The following TEX15 variants were observed in gnomAD, a reference collection of about 807,000 sequenced individuals.
The protein encoded by TEX15 is testis expressed 15, meiosis and synapsis associated.
In TEX15, 171 loss-of-function variants were observed where a neutral mutation model predicts 237.3. That is an observed-to-expected ratio of 0.72 (90% CI 0.64 to 0.82). TEX15 has a LOEUF of 0.82. Ranked by LOEUF, TEX15 falls within the 40% of genes least tolerant of loss-of-function variation. The pLI is 0.00. For missense variants in TEX15, 3,750 were observed against 3,646.5 expected, an observed-to-expected ratio of 1.03 and a Z score of -0.73; for synonymous variants, 1,338 against 1,269.8, an observed-to-expected ratio of 1.05 and a Z score of -1.14.
At chr8:30,897,076 C>T (rs573299924) in intron 2 of TEX15, among the ~76,000 whole-genome samples, 1 of 152,116 alleles carries the variant, frequency 6.6e-6, no homozygotes, top group Non-Finnish European at 1.5e-5. Flanking sequence ...ATTGTCTTTA[C>T]AAAATCGGGT....
At chr8:30,833,472 A>G (rs973691189) in intron 10 of TEX15, 149 bp from the exon 11 acceptor site, 9 of 533,836 alleles carry the variant, frequency 1.7e-5, no homozygotes, top group African/African-American at 5.9e-5. Flanking sequence ...ATCAGGTCCT[A>G]TGAAAGTTAA....
intron 4 of TEX15, among the ~76,000 whole-genome samples, chr8:30,874,572 G>A (rs549101057): frequency 6.6e-6 from 1 of 152,162 alleles, no homozygotes; most frequent in African/African-American, 2.4e-5. Flanking sequence ...TTAAGGGCTG[G>A]GTTCAAGAGT....
chr8:30,878,777 G>C (rs1414612560), intron 3 of TEX15, among the ~76,000 whole-genome samples: 1 of 152,102 alleles, frequency 6.6e-6, no homozygotes, highest in Non-Finnish European at 1.5e-5. Context: ...CTCCTGCTTT[G>C]GCTTCCTGAG....
In TEX15 at chr8:30,845,014, G is replaced by C. The variant is rs767613553; in HGVS notation, c.5153C>G (p.Pro1718Arg). ...TGTCACTGCAGCGGCTGATAACTGA[G>C]GAATACTGTACTTTTTACTTGCTAT... ...TLIASKKYSI[P>R]QLSAAAVTDS... The change falls in exon 8 of 11, where the codon CCT (proline) becomes CGT (arginine). Residue 1718 changes from proline to arginine, a missense_variant. Pro to Arg is a moderately radical substitution (Grantham distance 103). Coordinates refer to ENST00000643185, the MANE Select transcript of TEX15 (RefSeq NM_001350162.2). 6.2e-7 allele frequency: 1 copy of C among 1,613,426 alleles called. No individual in the cohort carries two copies. The highest frequency in any genetic ancestry group is 8.5e-7 in the Non-Finnish European group (1 of 1,179,542).
intron 2 of TEX15, among the ~76,000 whole-genome samples, chr8:30,895,907 C>T (rs997880283): frequency 6.6e-6 from 1 of 152,028 alleles, no homozygotes; most frequent in East Asian, 1.9e-4. Flanking sequence ...TCTCGATCTC[C>T]TGACCTCGTG....
At chr8:30,901,276 T>C (rs111955423) in intron 1 of TEX15, among the ~76,000 whole-genome samples, 6 of 152,346 alleles carry the variant, frequency 3.9e-5, no homozygotes, top group African/African-American at 1.4e-4. Flanking sequence ...AGTGTTTGCA[T>C]AGATATGGTT....
intron 2 of TEX15, among the ~76,000 whole-genome samples, chr8:30,889,963 A>ATATATATATACATATATATATATG (rs1808763730): frequency 7.5e-6 from 1 of 134,014 alleles, no homozygotes; most frequent in Non-Finnish European, 1.7e-5. Flanking sequence ...ACATATATAT[A>ATATATATATACATATATATATATG]TATATGTATA....
intron 5 of TEX15, among the ~76,000 whole-genome samples, chr8:30,865,087 A>AAAATAAG (rs1237581298): frequency 1.3e-5 from 2 of 152,084 alleles, no homozygotes; most frequent in African/African-American, 2.4e-5. Context: ...TTAGACTAAG[A>AAAATAAG]AAATAAGACA....
chr8:30,897,075 A>C (rs926282869), intron 2 of TEX15, among the ~76,000 whole-genome samples: 3 of 152,310 alleles, frequency 2.0e-5, no homozygotes, highest in South Asian at 2.1e-4. Flanking sequence ...AATTGTCTTT[A>C]CAAAATCGGG....
intron 1 of TEX15, among the ~76,000 whole-genome samples, chr8:30,903,359 C>A (rs1809041169): frequency 6.6e-6 from 1 of 152,120 alleles, no homozygotes; most frequent in South Asian, 2.1e-4. Flanking sequence ...GGGGAAAAAT[C>A]AAAGTTAAGG....
chr8:30,846,930 A>G lies in TEX15; in HGVS notation c.3237T>C (p.His1079=), dbSNP rs751166229. Residue 1079 remains histidine, a synonymous_variant, in exon 8 of 11, where the codon CAT becomes CAC. Coordinates refer to ENST00000643185, the MANE Select transcript of TEX15 (RefSeq NM_001350162.2). ...DDAFIFQQDT[H]SHENMLCEEF... ...CTTCACAAAGCATGTTTTCATGGCT[A>G]TGTGTATCTTGTTGAAATATAAAAG... 4 of 1,613,464 alleles carry G rather than the reference A, an allele frequency of 2.5e-6. No homozygotes were observed. The highest frequency in any genetic ancestry group is 1.1e-5 in the South Asian group (1 of 91,046).
intron 7 of TEX15, among the ~76,000 whole-genome samples, chr8:30,856,892 C>T (rs1807923551): frequency 6.6e-6 from 1 of 151,758 alleles, no homozygotes. Flanking sequence ...AATCAAAATT[C>T]TGATAGATTT....
intron 5 of TEX15, among the ~76,000 whole-genome samples, 196 bp downstream of exon 5, chr8:30,867,069 G>T (rs866946464): frequency 0.016 from 2,129 of 130,584 alleles, 41 homozygotes; most frequent in African/African-American, 0.054. Context: ...TTTTTTTTTT[G>T]CTTTGTGTTG....
In TEX15 at chr8:30,833,185, C is replaced by A; in HGVS notation, c.*101G>T. 1.4e-6 allele frequency: 1 copy of A among 739,884 alleles called. No individual in the cohort carries two copies. The highest frequency in any genetic ancestry group is 2.2e-6 in the Non-Finnish European group (1 of 447,980). The allele number at this position is 739,884 out of a possible 1,614,324, so 45.8% of individuals were successfully genotyped here. A position where few individuals can be genotyped will look rare whatever the true frequency, so the allele number is the denominator to read the frequency against. ...ACCATATGATTTATATTTCCTACCA[C>A]ATTTACAAACATTAAAAATCGCTAA... On this transcript the variant is annotated 3_prime_UTR_variant, in exon 11 of 11. Coordinates refer to ENST00000643185, the MANE Select transcript of TEX15 (RefSeq NM_001350162.2).
rs1467254314 is a variant in TEX15, at chr8:30,847,317, T to C, written c.2850A>G (p.Lys950=). The C allele has an allele frequency of 1.2e-6, 2 of 1,613,990 alleles. No homozygotes were observed. Among genetic ancestry groups the C allele is most frequent in the Admixed American group, 3.3e-5 (2 of 60,022 alleles). The change falls in exon 8 of 11, where the codon AAA becomes AAG. Residue 950 remains lysine, a synonymous_variant. Coordinates refer to ENST00000643185, the MANE Select transcript of TEX15 (RefSeq NM_001350162.2). ...TTCCAGTATTTTCAGTATCTTTTTG[T>C]TTCACGGCACTAATGGTATCTTCTT... ...ESEEDTISAV[K]QKDTENTGRS...
chr8:30,846,961 T>C lies in TEX15; in HGVS notation c.3206A>G (p.Asp1069Gly), dbSNP rs1563241215. The C allele has an allele frequency of 6.2e-7, 1 of 1,613,804 alleles. No individual in the cohort carries two copies. The highest frequency in any genetic ancestry group is 8.5e-7 in the Non-Finnish European group (1 of 1,179,738). ...ATCTTGTTGAAATATAAAAGCATCA[T>C]CACAATCTTCTAATTCTATTTCAAT... The part of the protein sequence containing the change: ...SEIEIELEDC[D>G]DAFIFQQDTH... Residue 1069 changes from aspartate to glycine, a missense_variant, in exon 8 of 11, where the codon GAT becomes GGT. Transcript: ENST00000643185.
rs35046956 is a variant in TEX15, at chr8:30,909,394, A to ACCCCCCCC, written c.-86+3477_-86+3484dup. Among the ~76,000 whole-genome samples the ACCCCCCCC allele has an allele frequency of 5.5e-3, 646 of 118,390 alleles. 2 individuals carry two copies. The highest frequency in any genetic ancestry group is 0.013 in the African/African-American group (365 of 27,886). 77.7% of individuals were successfully genotyped at this position (118,390 alleles called of 152,430 possible). On this transcript the variant is annotated intron_variant, in intron 1 of 10. Transcript: ENST00000643185. Reference sequence around the variant, plus strand: ...TCTCAGCTGCTGTAATTAAAGACAGACCCCCCCCCGCCCCCACTCCCCCCT... The same window carrying ACCCCCCCC: ...TCTCAGCTGCTGTAATTAAAGACAGACCCCCCCCCCCCCCCCCGCCCCCACTCCCCCCT...
In TEX15 at chr8:30,844,798, T is replaced by G. The variant is rs779893155; in HGVS notation, c.5369A>C (p.Asn1790Thr). The change falls in exon 8 of 11, where the codon AAT becomes ACT. Residue 1790 changes from asparagine to threonine, a missense_variant. By Grantham distance (65) the Asn-to-Thr change is moderately conservative. Transcript: ENST00000643185. ...TDGNETNVTE[N>T]YELDVASGTE... ...TCCTGATGCTACATCCAACTCATAA[T>G]TCTCAGTGACATTTGTTTCATTCCC... 3.1e-6 allele frequency: 5 copies of G among 1,613,408 alleles called. No individual in the cohort carries two copies. In the African/African-American group the frequency reaches 6.7e-5, roughly 22 times the overall value.
intron 5 of TEX15, among the ~76,000 whole-genome samples, chr8:30,865,874 G>C (rs1808152938): frequency 6.6e-6 from 1 of 151,978 alleles, no homozygotes; most frequent in Admixed American, 6.6e-5. Flanking sequence ...CTTTTTACAA[G>C]GATCTTGAAG....
Sources: allele counts gnomAD v4.1 joint callset (sites outside exome capture counted in the v4.1 genomes callset), GRCh38; gene constraint gnomAD v4.1.1; transcripts MANE v1.5; gene names NCBI Gene and HGNC (gene_info 2026-07-23, HGNC 2026-07-21).